SEMA6D: variants seen among roughly 807,000 people sequenced by gnomAD.
The protein encoded by SEMA6D is semaphorin 6D, also known as semaphorin-6D.
Under a neutral mutation model 106.6 loss-of-function variants are expected in SEMA6D, and 35 were observed. The ratio of observed to expected loss-of-function variants is 0.33; its 90% confidence interval spans 0.25 to 0.44. The LOEUF is 0.44. SEMA6D is among the 20% of genes least tolerant of loss of function. The pLI, the probability that SEMA6D is intolerant of heterozygous loss-of-function variation, is 1.00. For synonymous variants in SEMA6D, 499 were observed against 487.7 expected, an observed-to-expected ratio of 1.02 and a Z score of -0.31; for missense variants, 1,185 against 1,345.9, an observed-to-expected ratio of 0.88 and a Z score of 1.87.
chr15:47,322,482 A>C (rs1018582883), intron 1 of SEMA6D, among the ~76,000 whole-genome samples: 2 of 152,044 alleles, frequency 1.3e-5, no homozygotes, highest in African/African-American at 4.8e-5. Flanking sequence ...GTACTTTCTC[A>C]TCATTAGATT....
At chr15:47,677,685 A>G (rs1412652111) in intron 4 of SEMA6D, among the ~76,000 whole-genome samples, 1 of 152,206 alleles carries the variant, frequency 6.6e-6, no homozygotes, top group Non-Finnish European at 1.5e-5. Flanking sequence ...TTGTTAAATG[A>G]TGGAATTGAA....
intron 3 of SEMA6D, among the ~76,000 whole-genome samples, chr15:47,473,260 C>G (rs946920522): frequency 3.4e-4 from 52 of 152,286 alleles, no homozygotes; most frequent in Admixed American, 3.3e-3. Flanking sequence ...ACTGCAGAGG[C>G]AGCTTTGGTT....
chr15:47,393,528 C>T (rs1302541714), intron 1 of SEMA6D: 1 of 152,158 alleles, frequency 6.6e-6, no homozygotes, highest in African/African-American at 2.4e-5. Context: ...CCAGGGTCTT[C>T]ACAAAGGCCA....
intron 1 of SEMA6D, among the ~76,000 whole-genome samples, chr15:47,402,191 T>C (rs2040422669): frequency 6.6e-6 from 1 of 152,222 alleles, no homozygotes; most frequent in African/African-American, 2.4e-5. Flanking sequence ...TATTTAATTT[T>C]AAGAAATTTA....
intron 4 of SEMA6D, among the ~76,000 whole-genome samples, chr15:47,707,351 C>T (rs1286420033): frequency 1.3e-5 from 2 of 152,134 alleles, no homozygotes; most frequent in African/African-American, 4.8e-5. Context: ...CACACTAAGA[C>T]CAAAGTTCTC....
At chr15:47,766,487 GTT>G in intron 15 of SEMA6D, 127 bp from the exon 16 acceptor site, 3 of 777,454 alleles carry the variant, frequency 3.9e-6, no homozygotes, top group South Asian at 1.8e-5. Context: ...ATGTTAAAAT[GTT>G]GTTTTTTTTT....
intron 3 of SEMA6D, among the ~76,000 whole-genome samples, chr15:47,540,383 A>T (rs1347194884): frequency 2.0e-5 from 3 of 152,158 alleles, no homozygotes; most frequent in Non-Finnish European, 4.4e-5. Flanking sequence ...AAAATTAGCA[A>T]GGCATCCTTT....
intron 3 of SEMA6D, among the ~76,000 whole-genome samples, chr15:47,521,927 G>C (rs1156783585): frequency 6.6e-6 from 1 of 151,906 alleles, no homozygotes; most frequent in Non-Finnish European, 1.5e-5. Context: ...GGAGCTTGCA[G>C]TGAGCCGAGA....
intron 1 of SEMA6D, among the ~76,000 whole-genome samples, chr15:47,402,257 G>A (rs1462152275): frequency 1.3e-5 from 2 of 152,178 alleles, no homozygotes; most frequent in African/African-American, 4.8e-5. Context: ...AGTCAAAGCT[G>A]GAGCAGCCTT....
At chr15:47,327,254 T>G (rs1010124293) in intron 1 of SEMA6D, among the ~76,000 whole-genome samples, 3 of 152,242 alleles carry the variant, frequency 2.0e-5, no homozygotes, top group Non-Finnish European at 4.4e-5. Context: ...ACTCATAGAT[T>G]TATTATAAGA....
At chr15:47,392,200 A>G (rs1386566494) in intron 1 of SEMA6D, among the ~76,000 whole-genome samples, 1 of 152,220 alleles carries the variant, frequency 6.6e-6, no homozygotes, top group East Asian at 1.9e-4. Context: ...AGGATGGCAC[A>G]TAACTAGTAC....
intron 1 of SEMA6D, among the ~76,000 whole-genome samples, chr15:47,281,760 A>C (rs11630467): frequency 0.1 from 15,469 of 151,978 alleles, 843 homozygotes; most frequent in Non-Finnish European, 0.12. Flanking sequence ...TATTCATGTG[A>C]ATTTACTGCA....
intron 1 of SEMA6D, among the ~76,000 whole-genome samples, chr15:47,237,469 A>G (rs185128214): frequency 6.6e-6 from 1 of 152,252 alleles, no homozygotes; most frequent in Non-Finnish European, 1.5e-5. Context: ...TGCACTATGT[A>G]GAGAGGCAAG....
intron 4 of SEMA6D, among the ~76,000 whole-genome samples, chr15:47,688,412 C>A (rs936066565): frequency 4.1e-4 from 63 of 152,080 alleles, no homozygotes; most frequent in African/African-American, 1.5e-3. Flanking sequence ...CAAGAAAATT[C>A]TTCAAATATT....
intron 1 of SEMA6D, chr15:47,184,465 C>T (rs1450523372): frequency 1.3e-5 from 2 of 152,230 alleles, no homozygotes; most frequent in Non-Finnish European, 2.9e-5. Context: ...GCCTTTACTT[C>T]TTTATCTGCG....
intron 2 of SEMA6D, among the ~76,000 whole-genome samples, chr15:47,466,441 C>A (rs2042662098): frequency 6.6e-6 from 1 of 152,110 alleles, no homozygotes; most frequent in Admixed American, 6.6e-5. Context: ...TTTCACTTAG[C>A]ATAATGTCCT....
intron 3 of SEMA6D, among the ~76,000 whole-genome samples, chr15:47,547,262 C>A (rs1234495526): frequency 2.0e-5 from 3 of 152,002 alleles, no homozygotes; most frequent in Non-Finnish European, 1.5e-5. Context: ...GTTTATAAAT[C>A]TTCATACCAC....
chr15:47,524,854 G>A (rs990646247), intron 3 of SEMA6D, among the ~76,000 whole-genome samples: 4 of 152,082 alleles, frequency 2.6e-5, no homozygotes, highest in South Asian at 2.1e-4. Flanking sequence ...ACCAGCAATC[G>A]TAGGAGGTAT....
intron 4 of SEMA6D, among the ~76,000 whole-genome samples, chr15:47,609,155 G>T (rs1477100419): frequency 6.6e-6 from 1 of 152,172 alleles, no homozygotes; most frequent in Non-Finnish European, 1.5e-5. Context: ...CACGGATTGT[G>T]TAACAAATAG....
Sources: allele counts gnomAD v4.1 joint callset (sites outside exome capture counted in the v4.1 genomes callset), GRCh38; gene constraint gnomAD v4.1.1; transcripts MANE v1.5; gene names NCBI Gene and HGNC (gene_info 2026-07-23, HGNC 2026-07-21).